Variants in PACS1 observed in about 807,000 individuals in gnomAD.
PACS1 encodes the protein PACS-1.
Under a neutral mutation model 115.0 loss-of-function variants are expected in PACS1, and 24 were observed. The observed-to-expected ratio is 0.21, with a 90% CI of 0.15 to 0.29. The LOEUF (loss-of-function observed/expected upper bound fraction) is 0.29, where lower values mean the gene tolerates loss of function less well. Ranked by LOEUF, PACS1 falls within the 10% of genes least tolerant of loss-of-function variation. The pLI is 1.00. For synonymous variants in PACS1, 453 were observed against 504.5 expected (o/e 0.90, Z 1.37); for missense variants, 838 against 1,251.2 (o/e 0.67, Z 4.98).
chr11:66,241,378 T>G lies in PACS1; in HGVS notation c.2430-49T>G, dbSNP rs774449249. The G allele has an allele frequency of 2.4e-5, 35 of 1,432,096 alleles. No homozygotes were observed. In the South Asian group the frequency reaches 4.2e-4, roughly 17 times the overall value. The allele number at this position is 1,432,096 out of a possible 1,614,324, so 88.7% of individuals were successfully genotyped here. On this transcript the variant is annotated intron_variant, in intron 21 of 23. Transcript: ENST00000320580. ...CCCTACCCCATCAGGCCTATGTAGT[T>G]GGGAGCTGAAGGCAGAGCTGACCTC...
At chr11:66,122,440 T>TTAA (rs1336420566) in intron 1 of PACS1, among the ~76,000 whole-genome samples, 1 of 152,230 alleles carries the variant, frequency 6.6e-6, no homozygotes, top group Non-Finnish European at 1.5e-5. Flanking sequence ...AGTTTTCAAG[T>TTAA]GTTATTAGTT....
chr11:66,109,325 G>A (rs10896080), intron 1 of PACS1, among the ~76,000 whole-genome samples: 31,244 of 152,034 alleles, frequency 0.21, 3,295 homozygotes, highest in Middle Eastern at 0.28. Flanking sequence ...ACTTTGAGAG[G>A]CTGAGGTGGA....
intron 1 of PACS1, among the ~76,000 whole-genome samples, chr11:66,156,662 G>A (rs534530029): frequency 6.6e-6 from 1 of 152,142 alleles, no homozygotes; most frequent in African/African-American, 2.4e-5. Flanking sequence ...AGACCATCCT[G>A]GCTAACACGG....
At position 66,119,156 on chromosome 11, in the gene PACS1, TG is replaced by T. The variant is rs370583358; in HGVS notation, c.356+48316del. ...CTGACCGGTAGCGTTAATACTTCTT[TG>T]GTTTAATGCAGGATCACCAGACTCT... is the stretch of plus-strand genomic sequence containing the variant. On this transcript the variant is annotated intron_variant, in intron 1 of 23. Coordinates refer to ENST00000320580, the MANE Select transcript of PACS1 (RefSeq NM_018026.4). Among the ~76,000 whole-genome samples the T allele has an allele frequency of 1.0e-3, 157 of 152,356 alleles. 3 individuals carry two copies. The East Asian group carries it at 0.021, about 20-fold the overall frequency.
At chr11:66,200,826 A>G (rs1039530771) in intron 2 of PACS1, among the ~76,000 whole-genome samples, 2 of 151,954 alleles carry the variant, frequency 1.3e-5, no homozygotes, top group African/African-American at 2.4e-5. Context: ...ATTTCTTCCA[A>G]TGGCTGCAGA....
rs534796219 is a variant in PACS1 at position 66,239,134 on chromosome 11, CCT to C, written c.2294-7_2294-6del. The C allele has an allele frequency of 6.6e-5, 106 of 1,614,158 alleles. No individual in the cohort carries two copies. The African/African-American group carries it at 9.5e-4, about 14-fold the overall frequency. On this transcript the variant is annotated splice_polypyrimidine_tract_variant and splice_region_variant and intron_variant, in intron 20 of 23. Transcript: ENST00000320580. ...GGCCAACTGTGTTTGTCGTTTGTCC[CCT>C]GACAGGCGATGGGGACGATTCTCCT...
intron 1 of PACS1, among the ~76,000 whole-genome samples, chr11:66,130,436 C>T (rs1858673571): frequency 6.6e-6 from 1 of 152,056 alleles, no homozygotes; most frequent in African/African-American, 2.4e-5. Context: ...ATTGACATTG[C>T]AAGGGTCCCT....
intron 1 of PACS1, among the ~76,000 whole-genome samples, chr11:66,108,618 A>C (rs1000402089): frequency 5.9e-5 from 9 of 152,052 alleles, no homozygotes; most frequent in Non-Finnish European, 1.3e-4. Context: ...AAAGAAAATT[A>C]ACCAGACAGG....
intron 1 of PACS1, among the ~76,000 whole-genome samples, chr11:66,155,357 A>G (rs116043652): frequency 2.0e-5 from 3 of 152,360 alleles, no homozygotes; most frequent in East Asian, 3.9e-4. Flanking sequence ...AATGTTTACA[A>G]TAGATAAATC....
chr11:66,219,685 T>C (rs532321534), intron 7 of PACS1, 61 bp from the exon 8 acceptor site: 6 of 1,263,764 alleles, frequency 4.7e-6, no homozygotes, highest in East Asian at 2.3e-5. Context: ...TGGGTGTTTA[T>C]TGACTTGAAT....
intron 1 of PACS1, among the ~76,000 whole-genome samples, chr11:66,134,863 T>A (rs1055154684): frequency 6.6e-6 from 1 of 152,168 alleles, no homozygotes; most frequent in Non-Finnish European, 1.5e-5. Flanking sequence ...ATCCTTCTTA[T>A]CTCCTCTTTG....
intron 1 of PACS1, among the ~76,000 whole-genome samples, chr11:66,132,894 G>A (rs1226112003): frequency 6.6e-6 from 1 of 152,176 alleles, no homozygotes; most frequent in East Asian, 1.9e-4. Context: ...TCTCGAACTC[G>A]TGACCTCAAG....
intron 1 of PACS1, among the ~76,000 whole-genome samples, chr11:66,169,048 G>A (rs1859679273): frequency 6.7e-6 from 1 of 150,066 alleles, no homozygotes; most frequent in African/African-American, 2.5e-5. Flanking sequence ...TAGCTGAACA[G>A]CCTTCTCAAA....
At chr11:66,154,331 C>G (rs1162133447) in intron 1 of PACS1, among the ~76,000 whole-genome samples, 1 of 152,062 alleles carries the variant, frequency 6.6e-6, no homozygotes, top group African/African-American at 2.4e-5. Flanking sequence ...CCTAGCTGCT[C>G]TAGAGGCTGA....
intron 1 of PACS1, among the ~76,000 whole-genome samples, chr11:66,114,518 A>C (rs1383375118): frequency 2.6e-5 from 4 of 152,184 alleles, no homozygotes; most frequent in African/African-American, 9.7e-5. Context: ...AGAATAGAGA[A>C]AACACAGTTT....
intron 1 of PACS1, among the ~76,000 whole-genome samples, chr11:66,184,967 T>A (rs1000222773): frequency 1.3e-5 from 2 of 152,134 alleles, no homozygotes; most frequent in African/African-American, 4.8e-5. Flanking sequence ...CTTGCATGCC[T>A]ATGAAGTGGA....
At chr11:66,153,117 A>C (rs1169552867) in intron 1 of PACS1, among the ~76,000 whole-genome samples, 1 of 152,078 alleles carries the variant, frequency 6.6e-6, no homozygotes, top group African/African-American at 2.4e-5. Flanking sequence ...TTTCTTTAAG[A>C]TACATATGTG....
rs909538541 is a variant in PACS1, at chr11:66,187,913, C to G, written c.357-5573C>G. On this transcript the variant is annotated intron_variant, in intron 1 of 23. Coordinates refer to ENST00000320580, the MANE Select transcript of PACS1 (RefSeq NM_018026.4). Reference sequence around the variant, plus strand: ...GTTCTCCATAGTGGCTGCACTAGTTCACATTCACTAGTTACAACAGTGTAG... The same window carrying G: ...GTTCTCCATAGTGGCTGCACTAGTTGACATTCACTAGTTACAACAGTGTAG... Among the ~76,000 whole-genome samples, 14 of 152,246 alleles carry G rather than the reference C, an allele frequency of 9.2e-5. 1 individual carries two copies. Among genetic ancestry groups the G allele is most frequent in the Admixed American group, 7.8e-4 (12 of 15,294 alleles).
rs1422785653 is a variant in PACS1, at chr11:66,243,711, C to A, written c.*431C>A. ...GCCCCTCCAGCCACCAGGGTGTCCT[C>A]TAGGATGCAGCTGCCAGATCCACTC... On this transcript the variant is annotated 3_prime_UTR_variant, in exon 24 of 24. Transcript: ENST00000320580. 5.7e-6 allele frequency: 1 copy of A among 175,700 alleles called. No individual in the cohort carries two copies. The highest frequency in any genetic ancestry group is 1.2e-5 in the Non-Finnish European group (1 of 81,698). 10.9% of individuals were successfully genotyped at this position (175,700 alleles called of 1,614,324 possible). A position where few individuals can be genotyped will look rare whatever the true frequency, so the allele number is the denominator to read the frequency against.
Sources: gnomAD v4.1 joint callset for allele counts (sites outside exome capture counted in the v4.1 genomes callset) on GRCh38, gnomAD v4.1.1 for gene constraint, MANE v1.5 for transcripts, NCBI Gene and HGNC (gene_info 2026-07-23, HGNC 2026-07-21) for gene names.